Variants in HTR7 observed in about 807,000 individuals in gnomAD.
HTR7 encodes the protein 5-hydroxytryptamine receptor 7.
In HTR7, 16 loss-of-function variants were observed where a neutral mutation model predicts 34.0. The ratio of observed to expected loss-of-function variants is 0.47; its 90% CI spans 0.32 to 0.71. The LOEUF (loss-of-function observed/expected upper bound fraction) is 0.71. Among genes scored for constraint, HTR7 ranks in the 30% least tolerant of loss-of-function variants. The pLI is 0.04. For synonymous variants in HTR7, 265 were observed against 260.2 expected (o/e 1.02, Z -0.18); for missense variants, 504 against 625.5 (o/e 0.81, Z 2.07).
intron 1 of HTR7, among the ~76,000 whole-genome samples, chr10:90,786,322 CT>C (rs1465515417): frequency 6.6e-6 from 1 of 152,224 alleles, no homozygotes; most frequent in Admixed American, 6.5e-5. Context: ...TGGTTCTCCC[CT>C]GCTGCTAGGT....
chr10:90,787,913 A>G (rs928376228), intron 1 of HTR7, among the ~76,000 whole-genome samples: 5 of 152,098 alleles, frequency 3.3e-5, no homozygotes, highest in Non-Finnish European at 5.9e-5. Flanking sequence ...CTGTATAACA[A>G]TAAGAGTATA....
intron 1 of HTR7, among the ~76,000 whole-genome samples, chr10:90,750,856 G>A (rs1397852995): frequency 6.6e-6 from 1 of 152,194 alleles, no homozygotes; most frequent in Non-Finnish European, 1.5e-5. Context: ...TGAGCCAGAT[G>A]TTCTTACTTC....
chr10:90,781,387 A>T (rs771045750), intron 1 of HTR7, among the ~76,000 whole-genome samples: 3 of 152,214 alleles, frequency 2.0e-5, no homozygotes, highest in Non-Finnish European at 2.9e-5. Context: ...ACAACTTTTT[A>T]AAGTTTTACT....
At position 90,749,335 on chromosome 10, in the gene HTR7, T is replaced by A; in HGVS notation, c.799A>T (p.Arg267Trp). ...FMYYQIYKAA[R>W]KSAAKHKFPG... ...AACTTGTGTTTGGCAGCACTCTTCC[T>A]GGCAGCCTTGTAAATCTGGTAGTAC... Residue 267 changes from arginine to tryptophan, a missense_variant, in exon 2 of 4, where the codon AGG becomes TGG. Transcript: ENST00000336152. This position sits in a 1 kb window ranked among gnomAD's most constrained non-coding sequence, Gnocchi z 4.2. 6.2e-7 allele frequency: 1 copy of A among 1,614,234 alleles called. No individual in the cohort carries two copies. The highest frequency in any genetic ancestry group is 8.5e-7 in the Non-Finnish European group (1 of 1,180,046).
At chr10:90,823,915 A>AT (rs754046535) in intron 1 of HTR7, among the ~76,000 whole-genome samples, 19 of 152,248 alleles carry the variant, frequency 1.2e-4, no homozygotes, top group Non-Finnish European at 1.2e-4. Context: ...TTCTGCCATG[A>AT]TTTTAAGTTT....
chr10:90,825,340 A>G (rs1846053898), intron 1 of HTR7, among the ~76,000 whole-genome samples: 1 of 152,210 alleles, frequency 6.6e-6, no homozygotes, highest in Non-Finnish European at 1.5e-5. Context: ...AGATCACAAC[A>G]TCCAAGTCCC....
At chr10:90,832,405 G>A (rs1307407914) in intron 1 of HTR7, among the ~76,000 whole-genome samples, 1 of 152,206 alleles carries the variant, frequency 6.6e-6, no homozygotes, top group East Asian at 1.9e-4. Flanking sequence ...CACACCCTCT[G>A]CAGCTGCTGG....
intron 1 of HTR7, among the ~76,000 whole-genome samples, chr10:90,795,109 C>T (rs1034948115): frequency 6.6e-6 from 1 of 152,192 alleles, no homozygotes; most frequent in East Asian, 1.9e-4. Flanking sequence ...GATAATGCTG[C>T]AATGAACATG....
intron 1 of HTR7, among the ~76,000 whole-genome samples, chr10:90,806,553 C>T (rs897426581): frequency 2.6e-5 from 4 of 151,870 alleles, no homozygotes; most frequent in African/African-American, 9.7e-5. Context: ...GAGCCGAGAT[C>T]ACGCCTCTGC....
At chr10:90,807,515 C>G (rs183526445) in intron 1 of HTR7, among the ~76,000 whole-genome samples, 50 of 152,304 alleles carry the variant, frequency 3.3e-4, no homozygotes, top group African/African-American at 1.2e-3. Context: ...GCTCAAAAAC[C>G]TCCCCCACTG....
Position 90,857,058 on chromosome 10 carries a change from G to A in HTR7, c.539+75C>T. 7.3e-7 allele frequency: 1 copy of A among 1,363,364 alleles called. No homozygotes were observed. Among genetic ancestry groups the A allele is most frequent in the Non-Finnish European group, 9.9e-7 (1 of 1,013,506 alleles). The allele number at this position is 1,363,364 out of a possible 1,614,324, so 84.5% of individuals were successfully genotyped here. On this transcript the variant is annotated intron_variant, in intron 1 of 3. Coordinates refer to ENST00000336152, the MANE Select transcript of HTR7 (RefSeq NM_019859.4). This position sits in a 1 kb window ranked among gnomAD's most constrained non-coding sequence, Gnocchi z 6.5. ...TTGAAGTCTAGCTTGATCCTCCCAG[G>A]AAAGGCGAGCGCGCGGGGCTGAGCT... is the stretch of plus-strand genomic sequence containing the variant.
intron 1 of HTR7, among the ~76,000 whole-genome samples, chr10:90,777,897 C>T (rs1845243608): frequency 6.6e-6 from 1 of 152,184 alleles, no homozygotes; most frequent in Admixed American, 6.5e-5. Flanking sequence ...TGTAACAATG[C>T]CACTTCCTTA....
chr10:90,790,049 G>A (rs548393962), intron 1 of HTR7, among the ~76,000 whole-genome samples: 9 of 151,920 alleles, frequency 5.9e-5, no homozygotes, highest in Non-Finnish European at 7.4e-5. Context: ...ATACATCATC[G>A]CAGTTCAAAT....
chr10:90,856,911 T>A (rs1292950789), intron 1 of HTR7, among the ~76,000 whole-genome samples: 1 of 152,258 alleles, frequency 6.6e-6, no homozygotes, highest in Non-Finnish European at 1.5e-5. Context: ...GTCACTACAG[T>A]AAACCAGAAC....
At position 90,857,590 on chromosome 10, in the gene HTR7, G is replaced by GC; in HGVS notation, c.81dup (p.Leu28AlafsTer129). ...CCACCGTCGGGGCTCAAGTCGGGCA[G>GC]CCCGCGCCCCACTTCTGGCAGAAGG... On this transcript the variant is annotated frameshift_variant, in exon 1 of 4. Coordinates refer to ENST00000336152, the MANE Select transcript of HTR7 (RefSeq NM_019859.4). LOFTEE classifies it high-confidence loss of function. This position sits in a 1 kb window ranked among gnomAD's most constrained non-coding sequence, Gnocchi z 6.5. 1.3e-6 allele frequency: 2 copies of GC among 1,595,406 alleles called. No individual in the cohort carries two copies. Among genetic ancestry groups the GC allele is most frequent in the Non-Finnish European group, 1.7e-6 (2 of 1,172,992 alleles).
chr10:90,804,749 T>C (rs1478771415), intron 1 of HTR7, among the ~76,000 whole-genome samples: 1 of 150,724 alleles, frequency 6.6e-6, no homozygotes, highest in Non-Finnish European at 1.5e-5. Flanking sequence ...ATAATTACAA[T>C]TTTTTTTTAA....
chr10:90,853,633 C>T (rs1846534107), intron 1 of HTR7, among the ~76,000 whole-genome samples: 1 of 151,936 alleles, frequency 6.6e-6, no homozygotes, highest in Admixed American at 6.6e-5. Context: ...TTTAAAAGAT[C>T]ATTCTTAAAT....
chr10:90,802,012 A>T (rs1220145293), intron 1 of HTR7, among the ~76,000 whole-genome samples: 2 of 152,120 alleles, frequency 1.3e-5, no homozygotes, highest in African/African-American at 4.8e-5. Flanking sequence ...TTCTCTCATA[A>T]AGAGCAGTGT....
intron 1 of HTR7, among the ~76,000 whole-genome samples, chr10:90,801,292 C>A (rs1222183398): frequency 2.0e-5 from 3 of 152,156 alleles, no homozygotes; most frequent in African/African-American, 7.2e-5. Flanking sequence ...TATGAAATCA[C>A]TTTTTCTGTT....
Sources: allele counts gnomAD v4.1 joint callset (sites outside exome capture counted in the v4.1 genomes callset), GRCh38; gene constraint gnomAD v4.1.1; non-coding constraint Gnocchi (gnomAD v3.1); transcripts MANE v1.5; gene names NCBI Gene and HGNC (gene_info 2026-07-23, HGNC 2026-07-21).